CRADD: variants seen among roughly 807,000 people sequenced by gnomAD.
CRADD encodes the protein CARD and death domain containing adaptor protein.
A neutral mutation model predicts 15.5 loss-of-function variants in CRADD; 9 were observed. The observed-to-expected ratio is 0.58, with a 90% CI of 0.35 to 1.01. The LOEUF (loss-of-function observed/expected upper bound fraction) is 1.01. CRADD is among the 50% of genes least tolerant of loss of function. The pLI is 0.02. For missense variants in CRADD, 227 were observed against 250.3 expected (o/e 0.91, Z 0.63); for synonymous variants, 118 against 107.6 (o/e 1.10, Z -0.60).
chr12:93,868,293 T>A (rs923466527), intron 2 of CRADD, among the ~76,000 whole-genome samples: 2 of 152,200 alleles, frequency 1.3e-5, no homozygotes, highest in African/African-American at 4.8e-5. Flanking sequence ...CAGACTCAAA[T>A]ATAACTAGTC....
At position 93,877,815 on chromosome 12, in the gene CRADD, C is replaced by T. The variant is rs80195275; in HGVS notation, c.299-16235C>T. Among the ~76,000 whole-genome samples the T allele has an allele frequency of 6.8e-3, 1,032 of 152,256 alleles. 11 individuals are homozygous for T. Among genetic ancestry groups the T allele is most frequent in the African/African-American group, 0.023 (972 of 41,552 alleles). The stretch of plus-strand genomic sequence containing the variant: ...AAGAGTCAAGTCCTGGAGTTGAGGG[C>T]TCCAAGAGCCTGCTTGGTGCTCTAT... On this transcript the variant is annotated intron_variant, in intron 2 of 2. Transcript: ENST00000548483.
intron 2 of CRADD, among the ~76,000 whole-genome samples, chr12:93,786,058 G>A (rs1010793667): frequency 2.0e-5 from 3 of 152,204 alleles, no homozygotes; most frequent in African/African-American, 7.2e-5. Context: ...AGCATTAACT[G>A]CCGGGCCTAT....
At chr12:93,787,859 G>A (rs968815520) in intron 2 of CRADD, among the ~76,000 whole-genome samples, 3 of 152,150 alleles carry the variant, frequency 2.0e-5, no homozygotes, top group African/African-American at 7.2e-5. Context: ...ACCATGGTGA[G>A]GATGGTGAGG....
At chr12:93,868,997 G>A (rs1169381562) in intron 2 of CRADD, among the ~76,000 whole-genome samples, 5 of 152,158 alleles carry the variant, frequency 3.3e-5, no homozygotes, top group African/African-American at 1.2e-4. Context: ...AGACTCCAAA[G>A]AGCATAGCAG....
downstream of CRADD, among the ~76,000 whole-genome samples, chr12:93,853,846 A>G (rs1219943725): frequency 6.6e-6 from 1 of 152,198 alleles, no homozygotes; most frequent in African/African-American, 2.4e-5. Flanking sequence ...GTCATTTTCA[A>G]TGATGCACAG....
chr12:93,803,908 C>T (rs1417980826), intron 2 of CRADD, among the ~76,000 whole-genome samples: 2 of 152,014 alleles, frequency 1.3e-5, no homozygotes, highest in South Asian at 2.1e-4. Flanking sequence ...CAGACCGATG[C>T]GATGTGATGA....
At chr12:93,840,661 G>C (rs1958036271) in intron 2 of CRADD, among the ~76,000 whole-genome samples, 1 of 151,756 alleles carries the variant, frequency 6.6e-6, no homozygotes, top group Non-Finnish European at 1.5e-5. Flanking sequence ...CTGCTTCCTG[G>C]GTCCAAGCGA....
chr12:93,735,799 A>G (rs1956557456), intron 2 of CRADD: 1 of 139,664 alleles, frequency 7.2e-6, no homozygotes. Flanking sequence ...CTAGATCTAG[A>G]ACCAGAGACA....
intron 2 of CRADD, among the ~76,000 whole-genome samples, chr12:93,885,616 A>C (rs139356533): frequency 1.1e-3 from 167 of 152,338 alleles, no homozygotes; most frequent in African/African-American, 3.9e-3. Flanking sequence ...TCCCAGCTCC[A>C]TTCTGCATAA....
intron 2 of CRADD, among the ~76,000 whole-genome samples, chr12:93,747,988 GA>G (rs142890136): frequency 6.6e-6 from 1 of 150,884 alleles, no homozygotes; most frequent in Non-Finnish European, 1.5e-5. Context: ...GTAAAGTGGA[GA>G]AAAAAATATA....
chr12:93,726,457 G>A lies in CRADD; in HGVS notation c.298+47385G>A, dbSNP rs967845993. On this transcript the variant is annotated intron_variant, in intron 2 of 2. Transcript: ENST00000332896. ...AACTTTGTTAGGTCTGTTTATTTGA[G>A]AGCATGTATTTATTTGGGGCCATAA... 3.9e-5 allele frequency among the ~76,000 whole-genome samples: 6 copies of A among 152,096 alleles called. No individual in the cohort carries two copies. The East Asian group carries it at 7.7e-4, about 20-fold the overall frequency.
chr12:93,845,759 G>A (rs576156916), intron 2 of CRADD, among the ~76,000 whole-genome samples: 141 of 152,108 alleles, frequency 9.3e-4, no homozygotes, highest in African/African-American at 3.2e-3. Flanking sequence ...ACAACAATGG[G>A]ATTCTTTTAA....
At chr12:93,738,078 G>T in intron 2 of CRADD, 1 of 482,376 alleles carries the variant, frequency 2.1e-6, no homozygotes, top group East Asian at 3.3e-5. Context: ...CGTTTTTACT[G>T]TAAGTGTTGA....
At chr12:93,685,221 T>C (rs1316565166) in intron 2 of CRADD, among the ~76,000 whole-genome samples, 1 of 152,142 alleles carries the variant, frequency 6.6e-6, no homozygotes, top group African/African-American at 2.4e-5. Flanking sequence ...ATTTACGAAG[T>C]TCCTTTTAAA....
chr12:93,705,034 A>G (rs79006805), intron 2 of CRADD, among the ~76,000 whole-genome samples: 2,484 of 152,318 alleles, frequency 0.016, 60 homozygotes, highest in African/African-American at 0.056. Context: ...TTTCTTGCAC[A>G]GCATTTAACA....
At chr12:93,819,786 C>T (rs529956130) in intron 2 of CRADD, among the ~76,000 whole-genome samples, 74 of 152,344 alleles carry the variant, frequency 4.9e-4, no homozygotes, top group Non-Finnish European at 7.4e-5. Context: ...GAAAAATCTT[C>T]TTCAGTATAT....
At chr12:93,783,529 G>A (rs1455602299) in intron 2 of CRADD, among the ~76,000 whole-genome samples, 1 of 152,078 alleles carries the variant, frequency 6.6e-6, no homozygotes. Flanking sequence ...GCAAGGTATG[G>A]TTGTTACTGT....
chr12:93,691,751 A>G (rs1955578808), intron 2 of CRADD, among the ~76,000 whole-genome samples: 1 of 152,182 alleles, frequency 6.6e-6, no homozygotes, highest in Admixed American at 6.5e-5. Context: ...GGTGGAGTTG[A>G]AGTGACTGTC....
At chr12:93,721,763 G>A (rs189346059) in intron 2 of CRADD, among the ~76,000 whole-genome samples, 4 of 152,180 alleles carry the variant, frequency 2.6e-5, no homozygotes, top group Admixed American at 2.6e-4. Flanking sequence ...GTATCCACTG[G>A]GGGTGGGGCC....
Sources: allele counts gnomAD v4.1 joint callset (sites outside exome capture counted in the v4.1 genomes callset), GRCh38; gene constraint gnomAD v4.1.1; transcripts MANE v1.5; gene names NCBI Gene and HGNC (gene_info 2026-07-23, HGNC 2026-07-21).